The following MTUS2 variants were observed in gnomAD, a reference collection of about 807,000 sequenced individuals.
MTUS2 encodes the protein microtubule associated scaffold protein 2.
In MTUS2, 40 loss-of-function variants were observed where a neutral mutation model predicts 114.1. The observed-to-expected ratio is 0.35, with a 90% CI of 0.27 to 0.46. The LOEUF is 0.46. Among genes scored for constraint, MTUS2 ranks in the 20% least tolerant of loss-of-function variants. MTUS2 has a pLI of 1.00. For missense variants in MTUS2, 1,679 were observed against 1,705.4 expected (o/e 0.98, Z 0.27); for synonymous variants, 688 against 672.0 (o/e 1.02, Z -0.37).
chr13:29,233,398 G>A (rs966518961), intron 5 of MTUS2, among the ~76,000 whole-genome samples: 4 of 152,152 alleles, frequency 2.6e-5, no homozygotes, highest in African/African-American at 9.7e-5. Flanking sequence ...GGACGAAGTA[G>A]GGAAGTGTAC....
chr13:28,896,448 A>C, intron 2 of MTUS2, among the ~76,000 whole-genome samples: 1 of 152,236 alleles, frequency 6.6e-6, no homozygotes, highest in Non-Finnish European at 1.5e-5. Flanking sequence ...GGTAGGAAGA[A>C]TCAATATTGT....
chr13:29,050,892 C>T (rs1887864104), intron 4 of MTUS2, among the ~76,000 whole-genome samples: 1 of 152,026 alleles, frequency 6.6e-6, no homozygotes, highest in South Asian at 2.1e-4. Context: ...GGTCAGAGAA[C>T]AGGAATAAAG....
intron 5 of MTUS2, among the ~76,000 whole-genome samples, chr13:29,219,657 A>G (rs1432162786): frequency 1.3e-5 from 2 of 152,214 alleles, no homozygotes; most frequent in African/African-American, 4.8e-5. Flanking sequence ...TTTCATCTAC[A>G]TTTAAAATCT....
At chr13:29,458,784 C>T (rs1879287779) in intron 9 of MTUS2, among the ~76,000 whole-genome samples, 1 of 152,214 alleles carries the variant, frequency 6.6e-6, no homozygotes, top group Non-Finnish European at 1.5e-5. Context: ...CTCCTATATG[C>T]CTATGTTAGT....
At chr13:29,063,820 G>C (rs954273517) in intron 4 of MTUS2, among the ~76,000 whole-genome samples, 2 of 152,152 alleles carry the variant, frequency 1.3e-5, no homozygotes, top group African/African-American at 4.8e-5. Context: ...CATGACTTTA[G>C]TCTCTTTGGT....
chr13:29,493,184 C>T (rs1254074460), intron 12 of MTUS2, among the ~76,000 whole-genome samples: 1 of 152,188 alleles, frequency 6.6e-6, no homozygotes, highest in African/African-American at 2.4e-5. Flanking sequence ...ACGAAAAGCA[C>T]CTTCTCTTCC....
chr13:29,013,854 T>C (rs1885955658), intron 2 of MTUS2, among the ~76,000 whole-genome samples: 1 of 152,222 alleles, frequency 6.6e-6, no homozygotes, highest in South Asian at 2.1e-4. Context: ...ACCCCTTCAA[T>C]TGGAATTTCT....
chr13:29,038,083 A>G (rs887602868), intron 4 of MTUS2, among the ~76,000 whole-genome samples: 4 of 152,124 alleles, frequency 2.6e-5, no homozygotes, highest in Non-Finnish European at 4.4e-5. Context: ...CCTTTGGAGG[A>G]CAAGAGGCAT....
chr13:28,879,419 T>C (rs1327564347), intron 2 of MTUS2, among the ~76,000 whole-genome samples: 1 of 152,162 alleles, frequency 6.6e-6, no homozygotes, highest in African/African-American at 2.4e-5. Flanking sequence ...TTAATGAACC[T>C]GAACGTAAGG....
intron 5 of MTUS2, among the ~76,000 whole-genome samples, chr13:29,219,177 G>A (rs1895805470): frequency 7.2e-6 from 1 of 139,080 alleles, no homozygotes; most frequent in South Asian, 2.3e-4. Context: ...CTGTGTCCAT[G>A]TGATCTCATT....
At chr13:29,458,190 T>C (rs575032728) in intron 9 of MTUS2, among the ~76,000 whole-genome samples, 5 of 152,344 alleles carry the variant, frequency 3.3e-5, no homozygotes, top group Admixed American at 3.3e-4. Context: ...TGTCTCATGC[T>C]TGCCACATGT....
At chr13:29,406,389 TCTC>T (rs1325629802) in intron 8 of MTUS2, among the ~76,000 whole-genome samples, 6 of 152,056 alleles carry the variant, frequency 3.9e-5, no homozygotes, top group African/African-American at 1.2e-4. Context: ...GCTGGAGAAT[TCTC>T]CTCCAAGTTC....
chr13:28,962,889 G>A (rs569370223), intron 2 of MTUS2, among the ~76,000 whole-genome samples: 3 of 152,234 alleles, frequency 2.0e-5, no homozygotes, highest in South Asian at 2.1e-4. Flanking sequence ...GGTGGGCCAA[G>A]CTTGCAGGAG....
At chr13:29,140,369 C>T (rs1892167796) in intron 5 of MTUS2, among the ~76,000 whole-genome samples, 1 of 152,218 alleles carries the variant, frequency 6.6e-6, no homozygotes, top group African/African-American at 2.4e-5. Context: ...TATTTTCTGG[C>T]ACTGCTTACA....
chr13:29,263,971 TTA>T (rs1244226200), intron 5 of MTUS2, among the ~76,000 whole-genome samples: 1 of 152,232 alleles, frequency 6.6e-6, no homozygotes, highest in Non-Finnish European at 1.5e-5. Flanking sequence ...TCAACTCATT[TTA>T]ACATCACTAA....
chr13:29,313,262 T>G (rs1593291603), intron 6 of MTUS2, among the ~76,000 whole-genome samples: 1 of 151,854 alleles, frequency 6.6e-6, no homozygotes, highest in African/African-American at 2.4e-5. Flanking sequence ...AAAAAAAAAG[T>G]GGACTAGATT....
At chr13:29,486,263 C>G (rs1484125980) in intron 10 of MTUS2, among the ~76,000 whole-genome samples, 1 of 152,178 alleles carries the variant, frequency 6.6e-6, no homozygotes, top group African/African-American at 2.4e-5. Flanking sequence ...TGCCATGGGT[C>G]TGCTGTAGGT....
intron 1 of MTUS2, among the ~76,000 whole-genome samples, chr13:28,834,385 T>A (rs1302210309): frequency 6.6e-6 from 1 of 152,162 alleles, no homozygotes; most frequent in Non-Finnish European, 1.5e-5. Context: ...CCTTGCATTT[T>A]TTATTAATTG....
At chr13:29,098,875 C>T (rs1469389004) in intron 4 of MTUS2, among the ~76,000 whole-genome samples, 1 of 152,146 alleles carries the variant, frequency 6.6e-6, no homozygotes, top group Non-Finnish European at 1.5e-5. Context: ...TTCATATTCT[C>T]CTCACTCGAT....
Sources: gnomAD v4.1 joint callset for allele counts (sites outside exome capture counted in the v4.1 genomes callset) on GRCh38, gnomAD v4.1.1 for gene constraint, MANE v1.5 for transcripts, NCBI Gene and HGNC (gene_info 2026-07-23, HGNC 2026-07-21) for gene names.